NLGN1: variants seen among roughly 807,000 people sequenced by gnomAD.
NLGN1 encodes the protein neuroligin-1.
A neutral mutation model predicts 65.5 loss-of-function variants in NLGN1; 12 were observed. The observed-to-expected ratio is 0.18, with a 90% CI of 0.12 to 0.30. The LOEUF (loss-of-function observed/expected upper bound fraction) is 0.30. Among genes scored for constraint, NLGN1 ranks in the 10% least tolerant of loss-of-function variants. The pLI is 1.00. For missense variants in NLGN1, 750 were observed against 1,007.1 expected, an observed-to-expected ratio of 0.74 and a Z score of 3.46; for synonymous variants, 350 against 359.5, an observed-to-expected ratio of 0.97 and a Z score of 0.30.
At chr3:173,415,925 A>AGG (rs1242222341) in intron 1 of NLGN1, among the ~76,000 whole-genome samples, 3 of 141,338 alleles carry the variant, frequency 2.1e-5, no homozygotes, top group African/African-American at 8.9e-5. Flanking sequence ...AGAGGGAGAG[A>AGG]GAGAGAGAGA....
At chr3:173,625,391 A>C (rs1031203275) in intron 3 of NLGN1, among the ~76,000 whole-genome samples, 2 of 152,070 alleles carry the variant, frequency 1.3e-5, no homozygotes, top group Non-Finnish European at 2.9e-5. Context: ...ACGTCTGCTT[A>C]GATTGCAGCT....
chr3:173,754,662 G>A (rs1274325746), intron 3 of NLGN1, among the ~76,000 whole-genome samples: 1 of 152,042 alleles, frequency 6.6e-6, no homozygotes, highest in Non-Finnish European at 1.5e-5. Context: ...GTAGGAAAAT[G>A]AATAAGAGTT....
At chr3:173,744,628 C>T (rs1775093867) in intron 3 of NLGN1, among the ~76,000 whole-genome samples, 1 of 152,106 alleles carries the variant, frequency 6.6e-6, no homozygotes, top group South Asian at 2.1e-4. Context: ...ACTACCACCA[C>T]CGTTAGAAAG....
At chr3:174,052,813 A>G (rs554227611) in intron 4 of NLGN1, among the ~76,000 whole-genome samples, 60 of 152,172 alleles carry the variant, frequency 3.9e-4, no homozygotes, top group African/African-American at 1.4e-3. Context: ...AAAATTCACT[A>G]TCAGTAAATT....
intron 3 of NLGN1, among the ~76,000 whole-genome samples, chr3:173,740,192 A>G (rs1774430987): frequency 6.6e-6 from 1 of 152,118 alleles, no homozygotes. Flanking sequence ...ATTAGCACAC[A>G]GTACTTATCC....
At chr3:174,258,648 T>C (rs1177828212) in intron 4 of NLGN1, among the ~76,000 whole-genome samples, 1 of 152,166 alleles carries the variant, frequency 6.6e-6, no homozygotes, top group East Asian at 1.9e-4. Flanking sequence ...TTACCAGAAA[T>C]CTGTAACCTG....
chr3:173,557,733 T>G (rs1441605073), intron 2 of NLGN1, among the ~76,000 whole-genome samples: 11 of 152,132 alleles, frequency 7.2e-5, no homozygotes. Context: ...TTGCTGTCAT[T>G]TATTCCTATG....
At chr3:173,774,540 T>G (rs1780025918) in intron 3 of NLGN1, among the ~76,000 whole-genome samples, 1 of 152,206 alleles carries the variant, frequency 6.6e-6, no homozygotes, top group African/African-American at 2.4e-5. Context: ...CCTGCTATCA[T>G]ACTCCAAATA....
intron 5 of NLGN1, among the ~76,000 whole-genome samples, chr3:174,276,089 TAAAAAG>T (rs1350364803): frequency 6.6e-6 from 1 of 151,890 alleles, no homozygotes; most frequent in East Asian, 1.9e-4. Flanking sequence ...AGCTTTTGAT[TAAAAAG>T]AAAAATACAT....
intron 4 of NLGN1, among the ~76,000 whole-genome samples, chr3:174,174,922 G>T (rs147394706): frequency 1.3e-5 from 2 of 151,902 alleles, no homozygotes; most frequent in East Asian, 3.9e-4. Context: ...TCATTCAGAA[G>T]CATATTGTTT....
intron 3 of NLGN1, among the ~76,000 whole-genome samples, chr3:173,786,574 C>T (rs1239983873): frequency 3.9e-5 from 6 of 152,032 alleles, no homozygotes; most frequent in African/African-American, 1.4e-4. Context: ...ACACAAAACC[C>T]ATATACATAA....
chr3:173,699,460 G>A (rs886446641), intron 3 of NLGN1, among the ~76,000 whole-genome samples: 4 of 152,176 alleles, frequency 2.6e-5, no homozygotes, highest in Non-Finnish European at 5.9e-5. Context: ...GTGTCATGAG[G>A]GCAGCCAAAT....
chr3:173,399,362 C>T (rs566001064), intron 1 of NLGN1, among the ~76,000 whole-genome samples: 1 of 152,284 alleles, frequency 6.6e-6, no homozygotes, highest in Non-Finnish European at 1.5e-5. Context: ...AGAAAAGCTT[C>T]TTTAGTTCCC....
At chr3:174,073,440 A>G (rs375259048) in intron 4 of NLGN1, among the ~76,000 whole-genome samples, 1 of 152,176 alleles carries the variant, frequency 6.6e-6, no homozygotes. Flanking sequence ...TGAGCAGCAC[A>G]TCTTTTGAAC....
chr3:174,065,294 TGA>T lies in NLGN1; in HGVS notation c.647-210015_647-210014del, dbSNP rs143319655. On this transcript the variant is annotated intron_variant, in intron 4 of 6. Coordinates refer to ENST00000457714, the Ensembl canonical transcript of NLGN1. ...AAAAATGATAATGTGTGTGTTTCTG[TGA>T]GAGAGGGAAACAGAGAGACAGAGAG... Among the ~76,000 whole-genome samples the T allele has an allele frequency of 2.9e-3, 443 of 152,018 alleles. 3 individuals carry two copies. Among genetic ancestry groups the T allele is most frequent in the African/African-American group, 0.01 (420 of 41,434 alleles).
chr3:173,699,422 A>C (rs1766770473), intron 3 of NLGN1, among the ~76,000 whole-genome samples: 2 of 152,208 alleles, frequency 1.3e-5, no homozygotes, highest in Non-Finnish European at 2.9e-5. Flanking sequence ...TTTGACCTAA[A>C]TTTCTAACCT....
chr3:173,477,254 A>G (rs1373168495), intron 2 of NLGN1, among the ~76,000 whole-genome samples: 1 of 151,960 alleles, frequency 6.6e-6, no homozygotes, highest in East Asian at 1.9e-4. Context: ...CAAGAATGAA[A>G]CCCTGACCAG....
At chr3:173,872,461 T>A (rs2150876220) in intron 4 of NLGN1, among the ~76,000 whole-genome samples, 1 of 152,288 alleles carries the variant, frequency 6.6e-6, no homozygotes, top group Non-Finnish European at 1.5e-5. Context: ...GACCACTGGA[T>A]TTTTCCAATG....
chr3:173,923,014 A>G (rs751004503), intron 4 of NLGN1, among the ~76,000 whole-genome samples: 1 of 152,148 alleles, frequency 6.6e-6, no homozygotes, highest in Non-Finnish European at 1.5e-5. Context: ...AATTATTATC[A>G]TCATCGTCAT....
Sources: allele counts gnomAD v4.1 joint callset (sites outside exome capture counted in the v4.1 genomes callset), GRCh38; gene constraint gnomAD v4.1.1; transcripts MANE v1.5; gene names NCBI Gene and HGNC (gene_info 2026-07-23, HGNC 2026-07-21).